TENM2: variants seen among roughly 807,000 people sequenced by gnomAD.
TENM2 encodes the protein teneurin-2.
In TENM2, 52 loss-of-function variants were observed where a neutral mutation model predicts 245.2. The observed-to-expected ratio is 0.21, with a 90% confidence interval of 0.17 to 0.27. TENM2 has a LOEUF of 0.27. Among genes scored for constraint, TENM2 ranks in the 10% least tolerant of loss-of-function variants. The probability of loss-of-function intolerance (pLI) is 1.00; values close to 1 mark genes in which losing one functional copy is unlikely to be tolerated. For missense variants in TENM2, 3,046 were observed against 3,666.8 expected (o/e 0.83, Z 4.37); for synonymous variants, 1,363 against 1,438.9 (o/e 0.95, Z 1.19).
chr5:167,005,293 T>A, the TENM2 span, among the ~76,000 whole-genome samples: 1 of 152,128 alleles, frequency 6.6e-6, no homozygotes, highest in Non-Finnish European at 1.5e-5. Context: ...TATAAAAGGT[T>A]TGCCACCCCA....
chr5:167,010,647 A>G, the TENM2 span, among the ~76,000 whole-genome samples: 2 of 152,334 alleles, frequency 1.3e-5, no homozygotes, highest in East Asian at 3.9e-4. Flanking sequence ...ATTTCATTAG[A>G]ACTAATAGTT....
intron 15 of TENM2, among the ~76,000 whole-genome samples, chr5:168,197,103 A>G (rs17069979): frequency 0.16 from 23,618 of 152,118 alleles, 2,614 homozygotes; most frequent in East Asian, 0.32. Flanking sequence ...ACTTCAAGAC[A>G]TTTGACTCTC....
chr5:167,604,866 A>C (rs1185715640), intron 2 of TENM2, among the ~76,000 whole-genome samples: 1 of 152,224 alleles, frequency 6.6e-6, no homozygotes, highest in Admixed American at 6.5e-5. Context: ...GGAGTCTGTC[A>C]ACAGTGCAAA....
chr5:168,137,232 G>C (rs1236043393), intron 12 of TENM2, among the ~76,000 whole-genome samples: 1 of 152,210 alleles, frequency 6.6e-6, no homozygotes, highest in Non-Finnish European at 1.5e-5. Flanking sequence ...CACAGCACCT[G>C]GTCAAATTAG....
At chr5:167,995,566 G>A (rs1226978783) in intron 5 of TENM2, among the ~76,000 whole-genome samples, 10 of 152,302 alleles carry the variant, frequency 6.6e-5, no homozygotes, top group Admixed American at 2.0e-4. Context: ...GGTGACCGCA[G>A]GTCTGCAAGC....
intron 19 of TENM2, among the ~76,000 whole-genome samples, chr5:168,206,628 C>A (rs928863737): frequency 6.6e-6 from 1 of 152,260 alleles, no homozygotes; most frequent in East Asian, 1.9e-4. Context: ...GCCAAACTGG[C>A]GATCAGACAA....
At chr5:167,559,979 C>T (rs1217021976) in intron 2 of TENM2, among the ~76,000 whole-genome samples, 1 of 151,900 alleles carries the variant, frequency 6.6e-6, no homozygotes, top group Non-Finnish European at 1.5e-5. Context: ...GCAATCCCCA[C>T]CCCTCCTCTC....
chr5:167,538,025 G>A (rs1771959817), intron 2 of TENM2, among the ~76,000 whole-genome samples: 1 of 152,230 alleles, frequency 6.6e-6, no homozygotes, highest in Non-Finnish European at 1.5e-5. Context: ...GTAGGATAAT[G>A]AGGAGTTTCT....
At chr5:167,910,301 G>A (rs1455580302) in intron 3 of TENM2, among the ~76,000 whole-genome samples, 2 of 152,002 alleles carry the variant, frequency 1.3e-5, no homozygotes, top group Non-Finnish European at 2.9e-5. Flanking sequence ...AATCAGAATT[G>A]GCATGCAAGA....
chr5:167,473,884 A>G (rs772197119), intron 2 of TENM2, among the ~76,000 whole-genome samples: 2 of 152,184 alleles, frequency 1.3e-5, no homozygotes, highest in Middle Eastern at 6.3e-3. Context: ...TAGATACTCA[A>G]TGAGCATCAT....
chr5:167,226,447 A>G, the TENM2 span, among the ~76,000 whole-genome samples: 2 of 151,948 alleles, frequency 1.3e-5, no homozygotes, highest in East Asian at 1.9e-4. Flanking sequence ...ATGTGCTTGT[A>G]TAGTTTCTAG....
At chr5:167,868,736 T>TAAAA (rs11345222) in intron 2 of TENM2, among the ~76,000 whole-genome samples, 1 of 123,458 alleles carries the variant, frequency 8.1e-6, no homozygotes, top group Non-Finnish European at 1.7e-5. Flanking sequence ...AGATTCTGTC[T>TAAAA]AAAAAAAAAA....
At chr5:167,190,932 A>G in the TENM2 span, among the ~76,000 whole-genome samples, 1 of 152,104 alleles carries the variant, frequency 6.6e-6, no homozygotes, top group Non-Finnish European at 1.5e-5. Flanking sequence ...GTTAATTTGC[A>G]TATACATGTG....
chr5:168,154,147 T>TA (rs70976465), intron 12 of TENM2, among the ~76,000 whole-genome samples: 1,312 of 85,052 alleles, frequency 0.015, 45 homozygotes, highest in African/African-American at 0.045. Context: ...TCACCTACTT[T>TA]AAAAAAAAAA....
chr5:167,193,575 C>A, the TENM2 span, among the ~76,000 whole-genome samples: 3 of 151,908 alleles, frequency 2.0e-5, no homozygotes, highest in African/African-American at 7.3e-5. Flanking sequence ...TCCTTTAACC[C>A]TAGCCAGAGT....
At position 168,228,130 on chromosome 5, in the gene TENM2, G is replaced by GGTAA. The variant is rs776389418; in HGVS notation, c.5520+3_5520+6dup. On this transcript the variant is annotated frameshift_variant and splice_region_variant. Coordinates refer to ENST00000518659, the Ensembl canonical transcript of TENM2. LOFTEE classifies it high-confidence loss of function. ...TCACCATCTTTGGCAGGAAGCTCCGGGTAAGTGGTTCCACCCAATCTGTTA... is the reference window on the plus strand; with the variant it reads ...TCACCATCTTTGGCAGGAAGCTCCGGGTAAGTAAGTGGTTCCACCCAATCTGTTA... 2.5e-6 allele frequency: 4 copies of GGTAA among 1,570,906 alleles called. No individual in the cohort carries two copies. Among genetic ancestry groups the GGTAA allele is most frequent in the African/African-American group, 3.6e-5 (2 of 56,142 alleles).
chr5:167,092,117 C>G, the TENM2 span, among the ~76,000 whole-genome samples: 2 of 151,984 alleles, frequency 1.3e-5, no homozygotes, highest in African/African-American at 4.8e-5. Flanking sequence ...TGTCCTGCCC[C>G]CTGTTTTTGT....
chr5:168,228,221 G>C (rs1336784587), intron 25 of TENM2, 91 bp downstream of exon 27: 1 of 1,062,062 alleles, frequency 9.4e-7, no homozygotes, highest in Non-Finnish European at 1.4e-6. Context: ...TTACCACAGA[G>C]TGGGAGGGGA....
intron 2 of TENM2, among the ~76,000 whole-genome samples, chr5:167,694,259 C>G (rs947766587): frequency 2.0e-5 from 3 of 152,040 alleles, no homozygotes; most frequent in Non-Finnish European, 2.9e-5. Context: ...TCAATTATGG[C>G]CTTATGTTGG....
Sources: allele counts gnomAD v4.1 joint callset (sites outside exome capture counted in the v4.1 genomes callset), GRCh38; gene constraint gnomAD v4.1.1; transcripts MANE v1.5; gene names NCBI Gene and HGNC (gene_info 2026-07-23, HGNC 2026-07-21).